The following CNTNAP5 variants were observed in gnomAD, a reference collection of about 807,000 sequenced individuals.
CNTNAP5 encodes contactin-associated protein-like 5.
CNTNAP5 carries 72 observed loss-of-function variants against 150.2 expected under a neutral mutation model. The ratio of observed to expected loss-of-function variants is 0.48; its 90% CI spans 0.40 to 0.58. The LOEUF (loss-of-function observed/expected upper bound fraction) is 0.58. Among genes scored for constraint, CNTNAP5 ranks in the 20% least tolerant of loss-of-function variants. The pLI, the probability that CNTNAP5 is intolerant of heterozygous loss-of-function variation, is 0.00. For synonymous variants in CNTNAP5, 672 were observed against 619.8 expected (o/e 1.08, Z -1.25); for missense variants, 1,636 against 1,626.2 (o/e 1.01, Z -0.10).
In CNTNAP5 at chr2:124,655,923, A is replaced by AAG. The variant is rs138857798; in HGVS notation, c.2077+7989_2077+7990dup. 4.1e-3 allele frequency among the ~76,000 whole-genome samples: 434 copies of AAG among 105,978 alleles called. 6 individuals carry two copies. The highest frequency in any genetic ancestry group is 7.4e-3 in the African/African-American group (200 of 27,198). 69.5% of individuals were successfully genotyped at this position (105,978 alleles called of 152,430 possible). ...TGGAAAGAAAAGAAAGAAAGACAGA[A>AAG]AGAGAGAGAGAGAGAGAGAGAGAGA... On this transcript the variant is annotated intron_variant, in intron 13 of 23. Transcript: ENST00000682447.
chr2:124,863,505 G>A (rs550668763), intron 19 of CNTNAP5, among the ~76,000 whole-genome samples: 12 of 152,284 alleles, frequency 7.9e-5, no homozygotes, highest in African/African-American at 2.9e-4. Flanking sequence ...AATGAACCAG[G>A]AAAACCAGGA....
intron 12 of CNTNAP5, among the ~76,000 whole-genome samples, chr2:124,625,264 G>C (rs996897536): frequency 1.3e-5 from 2 of 152,056 alleles, no homozygotes; most frequent in Non-Finnish European, 2.9e-5. Context: ...TCTGTAATGT[G>C]GGGGAAATCA....
At chr2:124,809,349 A>G (rs1189139862) in intron 19 of CNTNAP5, among the ~76,000 whole-genome samples, 1 of 151,930 alleles carries the variant, frequency 6.6e-6, no homozygotes, top group Non-Finnish European at 1.5e-5. Context: ...GCTAGATAGG[A>G]TAATATATAA....
chr2:124,884,550 AC>A (rs1212829496), intron 21 of CNTNAP5, among the ~76,000 whole-genome samples: 1 of 152,040 alleles, frequency 6.6e-6, no homozygotes, highest in Non-Finnish European at 1.5e-5. Context: ...CCTTGGAGCC[AC>A]CCTGAAGAGT....
chr2:124,300,817 A>G (rs536638934), intron 3 of CNTNAP5, among the ~76,000 whole-genome samples: 1 of 152,306 alleles, frequency 6.6e-6, no homozygotes, highest in Non-Finnish European at 1.5e-5. Context: ...AGATGATTAA[A>G]CAAAGGTAAC....
chr2:124,093,344 C>A (rs1204090150), intron 1 of CNTNAP5, among the ~76,000 whole-genome samples: 1 of 152,136 alleles, frequency 6.6e-6, no homozygotes, highest in Non-Finnish European at 1.5e-5. Flanking sequence ...ATACATAAAG[C>A]CTCTAGAAGA....
At chr2:124,067,483 TATAAG>T (rs1391076792) in intron 1 of CNTNAP5, among the ~76,000 whole-genome samples, 1 of 152,224 alleles carries the variant, frequency 6.6e-6, no homozygotes, top group Non-Finnish European at 1.5e-5. Context: ...GCCTCTATCC[TATAAG>T]ATAAGTGTAA....
At chr2:124,770,399 C>G (rs186057544) in intron 16 of CNTNAP5, among the ~76,000 whole-genome samples, 2 of 152,058 alleles carry the variant, frequency 1.3e-5, no homozygotes, top group Non-Finnish European at 2.9e-5. Context: ...TCACAGCCAG[C>G]GAAACAGCAA....
intron 10 of CNTNAP5, among the ~76,000 whole-genome samples, chr2:124,559,702 G>A (rs557745777): frequency 2.0e-5 from 3 of 152,224 alleles, no homozygotes; most frequent in South Asian, 2.1e-4. Context: ...TTTATGCCAC[G>A]TAGACAGAGA....
intron 13 of CNTNAP5, among the ~76,000 whole-genome samples, chr2:124,655,692 G>A (rs1425431932): frequency 6.6e-6 from 1 of 151,812 alleles, no homozygotes; most frequent in African/African-American, 2.4e-5. Context: ...GAGAACAGGA[G>A]TTGGAGATCA....
chr2:124,636,222 T>C (rs1475375717), intron 12 of CNTNAP5, among the ~76,000 whole-genome samples: 1 of 152,228 alleles, frequency 6.6e-6, no homozygotes, highest in Non-Finnish European at 1.5e-5. Context: ...AGCCTCCTTA[T>C]ACCTCAGTTT....
At chr2:124,791,693 C>CTTTT (rs538796535) in intron 18 of CNTNAP5, among the ~76,000 whole-genome samples, 1 of 115,382 alleles carries the variant, frequency 8.7e-6, no homozygotes, top group Non-Finnish European at 1.8e-5. Flanking sequence ...AGCCTAATTT[C>CTTTT]TTTTTTTTTT....
rs143186189 is a variant in CNTNAP5 at position 124,240,328 on chromosome 2, T to C, written c.188-1872T>C. Among the ~76,000 whole-genome samples the C allele has an allele frequency of 3.3e-5, 5 of 152,256 alleles. No individual in the cohort carries two copies. The East Asian group carries it at 9.7e-4, about 29-fold the overall frequency. On this transcript the variant is annotated intron_variant, in intron 2 of 23. Transcript: ENST00000682447. ...CCATCATCTAGATCTTGTTGTCAGC[T>C]GCATCCATCAGTGGTGGAAAAGGAA...
intron 5 of CNTNAP5, among the ~76,000 whole-genome samples, chr2:124,436,812 T>C: frequency 6.6e-6 from 1 of 152,338 alleles, no homozygotes; most frequent in South Asian, 2.1e-4. Flanking sequence ...ATTTTATCTA[T>C]ATTCTGCATA....
chr2:124,244,669 A>G (rs1558817159), intron 3 of CNTNAP5, among the ~76,000 whole-genome samples: 1 of 152,144 alleles, frequency 6.6e-6, no homozygotes, highest in Non-Finnish European at 1.5e-5. Context: ...TCCAATTTAA[A>G]GAGTAAAATA....
chr2:124,621,732 G>T (rs888325067), intron 12 of CNTNAP5, among the ~76,000 whole-genome samples: 3 of 152,154 alleles, frequency 2.0e-5, no homozygotes, highest in Admixed American at 6.5e-5. Context: ...ACCCAGGTCT[G>T]CCAGTGTAGG....
At chr2:124,283,918 G>T (rs1450812070) in intron 3 of CNTNAP5, among the ~76,000 whole-genome samples, 2 of 152,144 alleles carry the variant, frequency 1.3e-5, no homozygotes, top group African/African-American at 4.8e-5. Flanking sequence ...GCACCTCCCA[G>T]TGTTACTGCA....
At position 124,221,788 on chromosome 2, in the gene CNTNAP5, G is replaced by A; in HGVS notation, c.166G>A (p.Ala56Thr). 1 of 1,608,742 alleles carries A rather than the reference G, an allele frequency of 6.2e-7. No homozygotes were observed. The highest frequency in any genetic ancestry group is 8.5e-7 in the Non-Finnish European group (1 of 1,177,036). Residue 56 changes from alanine to threonine, a missense_variant, in exon 2 of 24, where the codon GCT becomes ACT. Transcript: ENST00000682447. ...SSDLTGTHSP[A>T]QLNWRVGTGG... is the part of the protein sequence containing the mutation. ...AGACCTCACTGGCACTCACAGCCCA[G>A]CTCAACTCAACTGGAGAGTTGGTAA...
chr2:124,342,772 A>G (rs539571557), intron 3 of CNTNAP5, among the ~76,000 whole-genome samples: 1 of 152,304 alleles, frequency 6.6e-6, no homozygotes, highest in South Asian at 2.1e-4. Flanking sequence ...TAAAAGAAAA[A>G]CAAAGTCTTG....
Sources: gnomAD v4.1 joint callset for allele counts (sites outside exome capture counted in the v4.1 genomes callset) on GRCh38, gnomAD v4.1.1 for gene constraint, MANE v1.5 for transcripts, NCBI Gene and HGNC (gene_info 2026-07-23, HGNC 2026-07-21) for gene names.